The following ADGRL2 variants were observed in gnomAD, a reference collection of about 807,000 sequenced individuals.
The protein encoded by ADGRL2 is calcium-independent alpha-latrotoxin receptor 2.
Under a neutral mutation model 157.4 loss-of-function variants are expected in ADGRL2, and 44 were observed. That is an observed-to-expected ratio of 0.28 (90% CI 0.22 to 0.36). The LOEUF (loss-of-function observed/expected upper bound fraction) is 0.36, where lower values mean the gene tolerates loss of function less well. Among genes scored for constraint, ADGRL2 ranks in the 10% least tolerant of loss-of-function variants. ADGRL2 has a pLI of 1.00. For missense variants in ADGRL2, 1,510 were observed against 1,768.9 expected (o/e 0.85, Z 2.63); for synonymous variants, 585 against 624.7 (o/e 0.94, Z 0.95).
chr1:81,438,134 G>A (rs1172370763), intron 1 of ADGRL2, among the ~76,000 whole-genome samples: 5 of 151,456 alleles, frequency 3.3e-5, no homozygotes, highest in African/African-American at 1.2e-4. Context: ...GAGCTTTGAT[G>A]TAAGATTCCT....
intron 2 of ADGRL2, among the ~76,000 whole-genome samples, chr1:81,450,729 G>A (rs929176806): frequency 6.6e-6 from 1 of 151,850 alleles, no homozygotes; most frequent in African/African-American, 2.4e-5. Flanking sequence ...CAAGCAGATG[G>A]GCTACAGATT....
intron 2 of ADGRL2, chr1:81,505,228 A>G (rs1329841357): frequency 1.9e-6 from 1 of 516,406 alleles, no homozygotes; most frequent in Non-Finnish European, 3.7e-6. Flanking sequence ...ACACACACAC[A>G]CCATCTCCCG....
intron 2 of ADGRL2, among the ~76,000 whole-genome samples, chr1:81,858,100 G>A (rs2093268057): frequency 6.6e-6 from 1 of 152,058 alleles, no homozygotes; most frequent in Non-Finnish European, 1.5e-5. Flanking sequence ...AATCATAGAG[G>A]ATAAGAGTTA....
intron 1 of ADGRL2, among the ~76,000 whole-genome samples, chr1:81,430,691 T>C (rs535503268): frequency 3.3e-5 from 5 of 152,346 alleles, no homozygotes; most frequent in African/African-American, 4.8e-5. Context: ...GTTGTTGTTG[T>C]TTTTAATAGC....
In ADGRL2 at chr1:81,990,644, T is replaced by C; in HGVS notation, c.3909T>C (p.Gly1303=). 2 of 1,614,094 alleles carry C rather than the reference T, an allele frequency of 1.2e-6. No individual in the cohort carries two copies. The highest frequency in any genetic ancestry group is 1.7e-6 in the Non-Finnish European group (2 of 1,180,010). Residue 1303 remains glycine, a synonymous_variant, in exon 24 of 24, where the codon GGT becomes GGC. Transcript: ENST00000686636. ...TACCAGTCAAACCTGTGATTGGAGG[T>C]AGCAGCAGTGAAGATGATGCTATTG... ...LTLPVKPVIG[G]SSSEDDAIVA...
intron 1 of ADGRL2, among the ~76,000 whole-genome samples, chr1:81,835,983 G>A (rs372742386): frequency 5.9e-5 from 9 of 152,158 alleles, no homozygotes; most frequent in Middle Eastern, 6.8e-3. Flanking sequence ...ATAGCATCCC[G>A]TGTGATAAGC....
chr1:81,719,368 A>G (rs2084220947), intron 1 of ADGRL2, among the ~76,000 whole-genome samples: 1 of 152,220 alleles, frequency 6.6e-6, no homozygotes, highest in South Asian at 2.1e-4. Flanking sequence ...ACTCCTTAAG[A>G]CAATATTCCT....
At chr1:81,534,899 C>A (rs1032749544) in intron 2 of ADGRL2, among the ~76,000 whole-genome samples, 1 of 152,166 alleles carries the variant, frequency 6.6e-6, no homozygotes, top group Non-Finnish European at 1.5e-5. Context: ...TTTTAACATT[C>A]TTTGTGAATT....
chr1:81,789,307 A>G (rs1268300320), intron 2 of ADGRL2, among the ~76,000 whole-genome samples: 1 of 152,232 alleles, frequency 6.6e-6, no homozygotes, highest in Non-Finnish European at 1.5e-5. Context: ...ATGATAATCA[A>G]TGTTTGTTTT....
chr1:81,888,454 T>A (rs2151372500), intron 2 of ADGRL2, among the ~76,000 whole-genome samples: 1 of 152,298 alleles, frequency 6.6e-6, no homozygotes, highest in South Asian at 2.1e-4. Context: ...TTATTTATTT[T>A]TTTGAGATGG....
At chr1:81,345,299 TTC>T (rs150121234) in intron 1 of ADGRL2, among the ~76,000 whole-genome samples, 10 of 151,314 alleles carry the variant, frequency 6.6e-5, no homozygotes, top group Admixed American at 1.3e-4. Flanking sequence ...CTAGGCTGCA[TTC>T]TCTCTCTCTC....
At chr1:81,742,229 A>C (rs1469017374) in intron 1 of ADGRL2, among the ~76,000 whole-genome samples, 1 of 151,970 alleles carries the variant, frequency 6.6e-6, no homozygotes, top group African/African-American at 2.4e-5. Context: ...GGATGCTTTA[A>C]ATCAAATCTA....
At chr1:81,458,711 C>T (rs546451430) in intron 2 of ADGRL2, among the ~76,000 whole-genome samples, 12 of 152,278 alleles carry the variant, frequency 7.9e-5, no homozygotes, top group East Asian at 1.9e-4. Flanking sequence ...GATGTGGTGG[C>T]GCCTGAAAAC....
intron 3 of ADGRL2, among the ~76,000 whole-genome samples, chr1:81,645,900 A>T (rs2148820464): frequency 6.6e-6 from 1 of 152,260 alleles, no homozygotes; most frequent in Admixed American, 6.5e-5. Context: ...ATTTTAATAT[A>T]CTGCCAAGTC....
chr1:81,861,223 A>T (rs1412009763), intron 2 of ADGRL2, among the ~76,000 whole-genome samples: 1 of 151,902 alleles, frequency 6.6e-6, no homozygotes, highest in Non-Finnish European at 1.5e-5. Flanking sequence ...GTTTCACCAC[A>T]TTGGCCAGGC....
chr1:81,968,179 A>G lies in ADGRL2; in HGVS notation c.2503A>G (p.Met835Val). 1 of 1,611,450 alleles carries G rather than the reference A, an allele frequency of 6.2e-7. No homozygotes were observed. Among genetic ancestry groups the G allele is most frequent in the Non-Finnish European group, 8.5e-7 (1 of 1,179,060 alleles). ...CSHLTNFAIL[M>V]AHREIAYKDG... ...CCACCTAACCAATTTTGCAATTCTCATGGCCCACAGGGAAATTGCAGTAAG... is the reference window on the plus strand; with the variant it reads ...CCACCTAACCAATTTTGCAATTCTCGTGGCCCACAGGGAAATTGCAGTAAG... The change falls in exon 14 of 24, where the codon ATG (methionine) becomes GTG (valine). Residue 835 changes from methionine (M) to valine (V), a missense_variant. This residue lies in a region of ADGRL2 where 497 missense variants were observed against 627.2 expected (regional missense o/e 0.79). Coordinates refer to ENST00000686636, the MANE Select transcript of ADGRL2 (RefSeq NM_001366006.2).
intron 2 of ADGRL2, among the ~76,000 whole-genome samples, chr1:81,551,168 A>C (rs1410638602): frequency 1.3e-5 from 2 of 152,192 alleles, no homozygotes; most frequent in Non-Finnish European, 2.9e-5. Context: ...AATAGGTGGA[A>C]ACTAGAATTT....
chr1:81,484,210 A>T (rs537731508), intron 2 of ADGRL2, among the ~76,000 whole-genome samples: 1 of 152,332 alleles, frequency 6.6e-6, no homozygotes, highest in African/African-American at 2.4e-5. Context: ...AATAAAAAAC[A>T]AATATGTCTC....
At chr1:81,901,352 A>G (rs558428009) in intron 2 of ADGRL2, among the ~76,000 whole-genome samples, 16 of 152,298 alleles carry the variant, frequency 1.1e-4, no homozygotes, top group Non-Finnish European at 2.2e-4. Context: ...CCTTAGAGAC[A>G]TTCTTTGCAC....
Sources: allele counts gnomAD v4.1 joint callset (sites outside exome capture counted in the v4.1 genomes callset), GRCh38; gene constraint gnomAD v4.1.1; regional missense constraint gnomAD v4.1.1; transcripts MANE v1.5; gene names NCBI Gene and HGNC (gene_info 2026-07-23, HGNC 2026-07-21).